The following DNAH14 variants were observed in gnomAD, a reference collection of about 807,000 sequenced individuals.
DNAH14 encodes the protein axonemal beta dynein heavy chain 14.
A neutral mutation model predicts 520.9 loss-of-function variants in DNAH14; 478 were observed. The ratio of observed to expected loss-of-function variants is 0.92; its 90% CI spans 0.85 to 0.99. The LOEUF (loss-of-function observed/expected upper bound fraction) is 0.99. DNAH14 is among the 50% of genes least tolerant of loss of function. DNAH14 has a pLI of 0.00. For synonymous variants in DNAH14, 1,581 were observed against 1,757.2 expected (o/e 0.90, Z 2.51); for missense variants, 4,831 against 5,234.5 (o/e 0.92, Z 2.38).
chr1:224,940,439 T>C (rs1285960253), intron 1 of DNAH14, among the ~76,000 whole-genome samples: 1 of 152,224 alleles, frequency 6.6e-6, no homozygotes, highest in African/African-American at 2.4e-5. Flanking sequence ...GTGTATTACA[T>C]ATTTTTTGTA....
At chr1:225,004,067 T>C (rs140714470) in intron 9 of DNAH14, among the ~76,000 whole-genome samples, 149 of 152,224 alleles carry the variant, frequency 9.8e-4, no homozygotes, top group African/African-American at 3.4e-3. Flanking sequence ...AGCTTTAATA[T>C]AGAACATCAG....
intron 8 of DNAH14, among the ~76,000 whole-genome samples, chr1:224,993,120 A>C (rs2063166955): frequency 6.6e-6 from 1 of 152,054 alleles, no homozygotes; most frequent in African/African-American, 2.4e-5. Context: ...ATTTGGTTTA[A>C]GATACTTACA....
intron 21 of DNAH14, among the ~76,000 whole-genome samples, chr1:225,088,367 C>A (rs892700564): frequency 6.6e-6 from 1 of 152,046 alleles, no homozygotes; most frequent in African/African-American, 2.4e-5. Flanking sequence ...ATGAAAACTA[C>A]AATGTCTGAA....
intron 20 of DNAH14, among the ~76,000 whole-genome samples, chr1:225,082,986 A>G (rs2073318630): frequency 6.6e-6 from 1 of 152,186 alleles, no homozygotes. Context: ...CATGTATGAC[A>G]GATAAAATTA....
intron 10 of DNAH14, among the ~76,000 whole-genome samples, chr1:225,016,410 G>T (rs1195396756): frequency 6.6e-6 from 1 of 152,120 alleles, no homozygotes; most frequent in Non-Finnish European, 1.5e-5. Context: ...TTTCTGCTGA[G>T]AAATCTGCTT....
intron 55 of DNAH14, among the ~76,000 whole-genome samples, chr1:225,291,673 A>C (rs1558286263): frequency 6.6e-6 from 1 of 152,088 alleles, no homozygotes; most frequent in Non-Finnish European, 1.5e-5. Context: ...TAATGGCTGT[A>C]CTAGATTACA....
At chr1:225,060,039 C>A (rs1167499996) in intron 17 of DNAH14, among the ~76,000 whole-genome samples, 1 of 151,628 alleles carries the variant, frequency 6.6e-6, no homozygotes, top group Non-Finnish European at 1.5e-5. Context: ...ATCTTTGTGG[C>A]GTTCTCTGTA....
chr1:225,303,928 G>A (rs780489215), intron 57 of DNAH14, among the ~76,000 whole-genome samples: 6 of 152,126 alleles, frequency 3.9e-5, no homozygotes, highest in Non-Finnish European at 8.8e-5. Flanking sequence ...TAGGTCCTAC[G>A]GGACCAATGG....
chr1:225,039,939 CT>C lies in DNAH14; in HGVS notation c.1488+1129del, dbSNP rs570032977. ...AATATGGCCTTTATAGTTATCTTTT[CT>C]TTTTTTTTTTTTCTTGAGGTGGAGT... On this transcript the variant is annotated intron_variant, in intron 12 of 85. Transcript: ENST00000682510. Among the ~76,000 whole-genome samples, 233 of 116,070 alleles carry C rather than the reference CT, an allele frequency of 2.0e-3. 3 individuals carry two copies. The highest frequency in any genetic ancestry group is 8.4e-3 in the Admixed American group (94 of 11,250). 76.1% of individuals were successfully genotyped at this position (116,070 alleles called of 152,430 possible). A position where few individuals can be genotyped will look rare whatever the true frequency, so the allele number is the denominator to read the frequency against.
In DNAH14 at chr1:225,270,820, T is replaced by C; in HGVS notation, c.7625T>C (p.Leu2542Pro). 1 of 1,551,432 alleles carries C rather than the reference T, an allele frequency of 6.4e-7. No homozygotes were observed. The highest frequency in any genetic ancestry group is 8.7e-7 in the Non-Finnish European group (1 of 1,146,848). Residue 2542 changes from leucine (L) to proline (P), a missense_variant, in exon 50 of 86, where the codon CTG becomes CCG. Physicochemically the swap from Leu to Pro is moderately conservative, Grantham distance 98. Coordinates refer to ENST00000682510, the MANE Select transcript of DNAH14 (RefSeq NM_001367479.1). ...CGTCTTCTCAAACACTTTTCCATGC[T>C]GGTATTACCTCATCCTTCACAAGAC... is the stretch of plus-strand genomic sequence containing the variant. ...SPRLLKHFSM[L>P]VLPHPSQDIL...
At chr1:225,164,084 C>A (rs2081805003) in intron 35 of DNAH14, among the ~76,000 whole-genome samples, 1 of 151,986 alleles carries the variant, frequency 6.6e-6, no homozygotes, top group South Asian at 2.1e-4. Flanking sequence ...TTTGATGTCT[C>A]TAATTCTTTA....
chr1:224,951,245 C>T (rs2060152086), intron 1 of DNAH14, among the ~76,000 whole-genome samples: 1 of 152,056 alleles, frequency 6.6e-6, no homozygotes, highest in African/African-American at 2.4e-5. Context: ...AAGCTGGTCT[C>T]GAACTCCTGG....
Position 225,346,611 on chromosome 1 carries a change from A to G in DNAH14, c.11253A>G (p.Ile3751Met). ...GGAACATCTTTTTATATTCTGGCAT[A>G]TTGATAAATATTAAAAGTGCATTAT... ...EEWNIFLYSGILINIKSALSQ... is the reference protein window; with the variant it reads ...EEWNIFLYSGMLINIKSALSQ... The change falls in exon 71 of 86, where the codon ATA becomes ATG. Residue 3751 changes from isoleucine to methionine, a missense_variant. By Grantham distance (10) the Ile-to-Met change is conservative. Coordinates refer to ENST00000682510, the MANE Select transcript of DNAH14 (RefSeq NM_001367479.1). The G allele has an allele frequency of 1.9e-6, 3 of 1,549,586 alleles. No individual in the cohort carries two copies. The highest frequency in any genetic ancestry group is 2.6e-6 in the Non-Finnish European group (3 of 1,145,650).
intron 69 of DNAH14, among the ~76,000 whole-genome samples, chr1:225,343,450 G>A (rs2095233152): frequency 6.6e-6 from 1 of 152,120 alleles, no homozygotes; most frequent in Admixed American, 6.5e-5. Flanking sequence ...ATCCTCCTGA[G>A]TGTTGTTGCC....
intron 17 of DNAH14, among the ~76,000 whole-genome samples, chr1:225,073,178 G>A (rs2071761501): frequency 6.6e-6 from 1 of 152,188 alleles, no homozygotes; most frequent in South Asian, 2.1e-4. Flanking sequence ...ATAGGAATGG[G>A]GTTGGGGACA....
chr1:225,365,580 C>G (rs568127761), intron 76 of DNAH14, among the ~76,000 whole-genome samples: 1 of 152,262 alleles, frequency 6.6e-6, no homozygotes, highest in South Asian at 2.1e-4. Flanking sequence ...TCAGCTCTGC[C>G]CGTCTCCTGT....
intron 7 of DNAH14, among the ~76,000 whole-genome samples, chr1:224,972,063 C>A (rs1271378912): frequency 2.6e-5 from 4 of 152,148 alleles, no homozygotes; most frequent in Admixed American, 2.6e-4. Context: ...TCCTCAGGGT[C>A]TGCTCTGCTG....
In DNAH14 at chr1:225,381,405, T is replaced by C. The variant is rs1403732386; in HGVS notation, c.12903T>C (p.Cys4301=). ...CAGATCACGACCCCCTTATCCATTG[T>C]GTCTTGCTAACCTTTTTGAAGCAAG... ...NLKDHDPLIH[C]VLLTFLKQEI... Residue 4301 remains cysteine, a synonymous_variant, in exon 81 of 86, where the codon TGT becomes TGC. Coordinates refer to ENST00000682510, the MANE Select transcript of DNAH14 (RefSeq NM_001367479.1). 1 of 1,548,894 alleles carries C rather than the reference T, an allele frequency of 6.5e-7. No homozygotes were observed. Among genetic ancestry groups the C allele is most frequent in the African/African-American group, 1.4e-5 (1 of 72,968 alleles).
chr1:225,339,112 C>A (rs2095124036), intron 68 of DNAH14, among the ~76,000 whole-genome samples: 1 of 140,888 alleles, frequency 7.1e-6, no homozygotes, highest in Non-Finnish European at 1.5e-5. Flanking sequence ...GCCTGACCAA[C>A]ATGGTGAAAC....
Sources: gnomAD v4.1 joint callset for allele counts (sites outside exome capture counted in the v4.1 genomes callset) on GRCh38, gnomAD v4.1.1 for gene constraint, MANE v1.5 for transcripts, NCBI Gene and HGNC (gene_info 2026-07-23, HGNC 2026-07-21) for gene names.